HNRNPA1L3: variants seen among roughly 807,000 people sequenced by gnomAD.
HNRNPA1L3 encodes heterogeneous nuclear ribonucleoprotein A1 like 3.
chr16:51,646,682 C>A, the HNRNPA1L3 span: 1 of 1,598,502 alleles, frequency 6.3e-7, no homozygotes, highest in Non-Finnish European at 8.5e-7. Context: ...CTCTGGCCCC[C>A]ATGGCGGTGG....
chr16:51,646,951 G>A, the HNRNPA1L3 span: 625 of 697,466 alleles, frequency 9.0e-4, 4 homozygotes, highest in Admixed American at 2.5e-4. Context: ...CTCGAGGACT[G>A]TATTTGTGAC....
the HNRNPA1L3 span, chr16:51,646,669 A>G: frequency 1.3e-6 from 2 of 1,598,462 alleles, no homozygotes; most frequent in Non-Finnish European, 1.7e-6. Context: ...TTGAAGGCAG[A>G]AGCTCTGGCC....
At chr16:51,646,807 G>C in the HNRNPA1L3 span, 19 of 1,562,108 alleles carry the variant, frequency 1.2e-5, no homozygotes, top group Admixed American at 1.7e-5. Flanking sequence ...AGCAGGAGAG[G>C]AGAGCCAGAG....
chr16:51,646,120 C>G, the HNRNPA1L3 span: 1 of 1,595,946 alleles, frequency 6.3e-7, no homozygotes, highest in East Asian at 2.2e-5. Flanking sequence ...CAGATGCCCA[C>G]TTAACTGTGA....
the HNRNPA1L3 span, chr16:51,646,633 T>C: frequency 6.3e-7 from 1 of 1,597,022 alleles, no homozygotes; most frequent in Non-Finnish European, 8.5e-7. Context: ...AGTCTTCAAA[T>C]TTTGGACCCA....
chr16:51,646,280 G>C, the HNRNPA1L3 span: 1 of 1,595,900 alleles, frequency 6.3e-7, no homozygotes, highest in South Asian at 1.1e-5. Flanking sequence ...AACCTTTGAC[G>C]ACCATGACTC....
chr16:51,646,346 G>C, the HNRNPA1L3 span: 1 of 1,552,676 alleles, frequency 6.4e-7, no homozygotes, highest in Non-Finnish European at 8.8e-7. Context: ...CAACTGTGAA[G>C]TTAGAAAAGC....
At chr16:51,646,118 C>T in the HNRNPA1L3 span, 3 of 1,595,972 alleles carry the variant, frequency 1.9e-6, no homozygotes, top group Non-Finnish European at 2.5e-6. Flanking sequence ...ACCAGATGCC[C>T]ACTTAACTGT....
the HNRNPA1L3 span, chr16:51,646,647 A>C: frequency 5.6e-6 from 9 of 1,597,906 alleles, no homozygotes; most frequent in East Asian, 2.0e-4. Flanking sequence ...GGACCCATGA[A>C]GGGAGGAAAT....
At chr16:51,646,466 G>A in the HNRNPA1L3 span, 29 of 1,596,908 alleles carry the variant, frequency 1.8e-5, no homozygotes, top group East Asian at 2.0e-4. Flanking sequence ...TGACAACTTC[G>A]GTCGTGGAGG....
the HNRNPA1L3 span, chr16:51,646,621 T>C: frequency 6.3e-7 from 1 of 1,596,066 alleles, no homozygotes. Flanking sequence ...ATTACAACAA[T>C]CAGTCTTCAA....
the HNRNPA1L3 span, chr16:51,646,929 A>G: frequency 3.9e-6 from 3 of 763,444 alleles, no homozygotes; most frequent in Admixed American, 2.0e-5. Context: ...ACTCATGTGT[A>G]TAGGCAAAAA....
chr16:51,646,254 G>A, the HNRNPA1L3 span: 2 of 1,596,648 alleles, frequency 1.3e-6, no homozygotes. Flanking sequence ...GGCAAGAAAA[G>A]GGGCTTTGCC....
the HNRNPA1L3 span, chr16:51,646,847 G>A: frequency 4.5e-6 from 6 of 1,347,410 alleles, no homozygotes; most frequent in Non-Finnish European, 6.3e-6. Flanking sequence ...GGTTACAACA[G>A]ATTTGTGAAC....
the HNRNPA1L3 span, chr16:51,645,969 C>T: frequency 2.4e-5 from 38 of 1,604,820 alleles, no homozygotes; most frequent in Admixed American, 3.3e-5. Flanking sequence ...GATCCAAACA[C>T]GAAGCGCTCC....
the HNRNPA1L3 span, chr16:51,646,160 G>T: frequency 6.3e-7 from 1 of 1,590,526 alleles, no homozygotes. Flanking sequence ...CATTAAAGAA[G>T]ACACTGAAGA....
At chr16:51,646,736 G>A in the HNRNPA1L3 span, 4,859 of 1,598,028 alleles carry the variant, frequency 3.0e-3, 20 homozygotes, top group Admixed American at 0.019. Context: ...TGGCTATGGC[G>A]GTTCCAGCAG....
At chr16:51,646,072 A>G in the HNRNPA1L3 span, 2 of 1,593,694 alleles carry the variant, frequency 1.3e-6, no homozygotes, top group Non-Finnish European at 1.7e-6. Context: ...GAGTTGTGGA[A>G]CCAAAGAGAG....
chr16:51,645,929 G>A, the HNRNPA1L3 span: 3 of 1,606,926 alleles, frequency 1.9e-6, no homozygotes, highest in Non-Finnish European at 2.5e-6. Context: ...TGAGCAATGG[G>A]GAACGCTCAC....
Sources: allele counts gnomAD v4.1 joint callset, GRCh38; gene constraint gnomAD v4.1.1; transcripts MANE v1.5; gene names NCBI Gene and HGNC (gene_info 2026-07-23, HGNC 2026-07-21).